CAMK1D: variants seen among roughly 807,000 people sequenced by gnomAD.
The protein encoded by CAMK1D is calcium/calmodulin dependent protein kinase ID, also known as calcium/calmodulin-dependent protein kinase type 1D.
In CAMK1D, 9 loss-of-function variants were observed where a neutral mutation model predicts 47.7. The observed-to-expected ratio is 0.19, with a 90% confidence interval of 0.11 to 0.33. The LOEUF is 0.33. Among genes scored for constraint, CAMK1D ranks in the 10% least tolerant of loss-of-function variants. CAMK1D has a pLI of 1.00. For missense variants in CAMK1D, 291 were observed against 488.7 expected (o/e 0.60, Z 3.81); for synonymous variants, 184 against 184.9 (o/e 0.99, Z 0.04).
intron 1 of CAMK1D, among the ~76,000 whole-genome samples, chr10:12,523,224 A>G (rs1212425454): frequency 5.1e-4 from 73 of 142,962 alleles, no homozygotes; most frequent in African/African-American, 1.9e-3. Context: ...ATTTCAGATG[A>G]TGGGCGGCCG....
intron 2 of CAMK1D, among the ~76,000 whole-genome samples, chr10:12,661,309 C>G (rs898451886): frequency 9.2e-5 from 14 of 152,086 alleles, no homozygotes; most frequent in African/African-American, 3.4e-4. Flanking sequence ...TGGATAGTCT[C>G]ATAACTTAGT....
chr10:12,683,741 GGTGT>G (rs10554443), intron 3 of CAMK1D, among the ~76,000 whole-genome samples: 20,388 of 144,792 alleles, frequency 0.14, 1,497 homozygotes, highest in Non-Finnish European at 0.18. Context: ...TAGGAATCCA[GGTGT>G]GTGTGTGTGT....
intron 2 of CAMK1D, among the ~76,000 whole-genome samples, chr10:12,556,963 A>G (rs1836781488): frequency 6.6e-6 from 1 of 152,196 alleles, no homozygotes; most frequent in Non-Finnish European, 1.5e-5. Flanking sequence ...GTGTGTGAAC[A>G]CAGTGGAATC....
At chr10:12,411,180 C>T (rs537280304) in intron 1 of CAMK1D, among the ~76,000 whole-genome samples, 9 of 152,290 alleles carry the variant, frequency 5.9e-5, no homozygotes, top group South Asian at 2.1e-4. Context: ...ATCCCTGGGA[C>T]GGGACGACCT....
chr10:12,762,008 T>C (rs1836534970), intron 4 of CAMK1D, among the ~76,000 whole-genome samples: 1 of 152,232 alleles, frequency 6.6e-6, no homozygotes, highest in East Asian at 1.9e-4. Flanking sequence ...TATTGGCATA[T>C]ATGCCCCTCC....
intron 1 of CAMK1D, among the ~76,000 whole-genome samples, chr10:12,386,531 A>G (rs1838500405): frequency 6.6e-6 from 1 of 152,210 alleles, no homozygotes; most frequent in Non-Finnish European, 1.5e-5. Context: ...TGGCACATCA[A>G]TATTATGGGA....
At chr10:12,650,383 G>A (rs1839926769) in intron 2 of CAMK1D, among the ~76,000 whole-genome samples, 1 of 152,254 alleles carries the variant, frequency 6.6e-6, no homozygotes, top group Admixed American at 6.5e-5. Context: ...CATTGGTCGT[G>A]CTGTGTCATG....
chr10:12,597,375 G>A (rs1838175228), intron 2 of CAMK1D, among the ~76,000 whole-genome samples: 2 of 152,106 alleles, frequency 1.3e-5, no homozygotes, highest in African/African-American at 4.8e-5. Context: ...CCTTCTTGAA[G>A]CACTGCCTTG....
chr10:12,474,133 G>T (rs1833829776), intron 1 of CAMK1D, among the ~76,000 whole-genome samples: 1 of 151,964 alleles, frequency 6.6e-6, no homozygotes, highest in East Asian at 1.9e-4. Flanking sequence ...GAGGGGAGGG[G>T]CAGGAAGCAA....
chr10:12,586,736 GA>G (rs58350746), intron 2 of CAMK1D, among the ~76,000 whole-genome samples: 10 of 151,378 alleles, frequency 6.6e-5, no homozygotes, highest in African/African-American at 1.9e-4. Context: ...TTTCATGAAA[GA>G]AAAAAAACAA....
chr10:12,831,653 G>T lies in CAMK1D; in HGVS notation c.*2766G>T, dbSNP rs539471298. On this transcript the variant is annotated 3_prime_UTR_variant, in exon 11 of 11. Transcript: ENST00000619168. ...CCATGCTTGGCCTGTCACACGCCGG[G>T]TCTCAACAACATCGTGCGAGGAGAC... 2.0e-5 allele frequency: 3 copies of T among 152,330 alleles called. No individual in the cohort carries two copies. The highest frequency in any genetic ancestry group is 2.0e-4 in the Admixed American group (3 of 15,306). 9.4% of individuals were successfully genotyped at this position (152,330 alleles called of 1,614,324 possible).
At chr10:12,604,989 G>A (rs1281059286) in intron 2 of CAMK1D, among the ~76,000 whole-genome samples, 1 of 151,870 alleles carries the variant, frequency 6.6e-6, no homozygotes, top group East Asian at 1.9e-4. Context: ...CTGGGTTCAA[G>A]TGATTCTCCT....
At chr10:12,546,493 C>T (rs1836376104) in intron 1 of CAMK1D, among the ~76,000 whole-genome samples, 1 of 151,938 alleles carries the variant, frequency 6.6e-6, no homozygotes, top group African/African-American at 2.4e-5. Flanking sequence ...TGGGAAGGGC[C>T]TTTGTGGGTA....
At chr10:12,817,359 T>A (rs897377184) in intron 8 of CAMK1D, among the ~76,000 whole-genome samples, 4 of 152,242 alleles carry the variant, frequency 2.6e-5, no homozygotes, top group Non-Finnish European at 5.9e-5. Context: ...AGTTACATAT[T>A]TTTTTCCTTT....
intron 2 of CAMK1D, among the ~76,000 whole-genome samples, chr10:12,623,442 T>TCCC: frequency 3.1e-5 from 1 of 32,564 alleles, no homozygotes; most frequent in Non-Finnish European, 6.7e-5. Context: ...CCTCCCTTCT[T>TCCC]TCCTTCCTTC....
chr10:12,538,181 A>T (rs757682723), intron 1 of CAMK1D, among the ~76,000 whole-genome samples: 1 of 152,208 alleles, frequency 6.6e-6, no homozygotes, highest in Non-Finnish European at 1.5e-5. Flanking sequence ...AGTTTAGATT[A>T]TGCTGGACTT....
At chr10:12,413,574 G>GGAT (rs67868165) in intron 1 of CAMK1D, among the ~76,000 whole-genome samples, 295 of 1,022 alleles carry the variant, frequency 0.29, 124 homozygotes, top group South Asian at 0.63. Flanking sequence ...ATGACATTGG[G>GGAT]GATGATGATA....
intron 1 of CAMK1D, among the ~76,000 whole-genome samples, chr10:12,489,597 C>T (rs978256284): frequency 3.3e-5 from 5 of 152,152 alleles, no homozygotes. Flanking sequence ...ACAGATGGAG[C>T]TTCGCTCGTT....
intron 6 of CAMK1D, among the ~76,000 whole-genome samples, chr10:12,803,178 C>T (rs927222000): frequency 5.9e-5 from 9 of 152,216 alleles, no homozygotes; most frequent in South Asian, 2.1e-4. Context: ...GTGCCTGGCA[C>T]GGTGACAGCT....
Sources: gnomAD v4.1 joint callset for allele counts (sites outside exome capture counted in the v4.1 genomes callset) on GRCh38, gnomAD v4.1.1 for gene constraint, MANE v1.5 for transcripts, NCBI Gene and HGNC (gene_info 2026-07-23, HGNC 2026-07-21) for gene names.